GABRA5: variants seen among roughly 807,000 people sequenced by gnomAD.
GABRA5 encodes the protein gamma-aminobutyric acid receptor subunit alpha-5.
GABRA5 carries 18 observed loss-of-function variants against 47.3 expected under a neutral mutation model. The ratio of observed to expected loss-of-function variants is 0.38; its 90% CI spans 0.26 to 0.56. The LOEUF (loss-of-function observed/expected upper bound fraction) is 0.56. Among genes scored for constraint, GABRA5 ranks in the 20% least tolerant of loss-of-function variants. The pLI, the probability that GABRA5 is intolerant of heterozygous loss-of-function variation, is 0.71. For synonymous variants in GABRA5, 237 were observed against 229.3 expected, an observed-to-expected ratio of 1.03 and a Z score of -0.30; for missense variants, 365 against 599.3, an observed-to-expected ratio of 0.61 and a Z score of 4.08.
At chr15:26,899,024 A>G (rs149292006) in intron 6 of GABRA5, among the ~76,000 whole-genome samples, 3,065 of 152,156 alleles carry the variant, frequency 0.02, 104 homozygotes, top group African/African-American at 0.07. Flanking sequence ...CACCATGCCC[A>G]GCTAATTTCT....
chr15:26,936,927 G>A (rs547533610), intron 7 of GABRA5, among the ~76,000 whole-genome samples: 8 of 152,316 alleles, frequency 5.3e-5, no homozygotes, highest in African/African-American at 1.9e-4. Flanking sequence ...CTGCACCATC[G>A]TGCGCTCTGC....
rs1436313480 is a variant in GABRA5 at position 26,883,319 on chromosome 15, T to C, written c.277-18T>C. On this transcript the variant is annotated intron_variant, in intron 5 of 10. Transcript: ENST00000335625. This position sits in a 1 kb window ranked among gnomAD's most constrained non-coding sequence, Gnocchi z 4.8. ...GGCCCCGTGCCCTCTGACTGCCTCG[T>C]GCCTTCCTTTCCACTAGGAGTACAC... 1 of 1,613,658 alleles carries C rather than the reference T, an allele frequency of 6.2e-7. No individual in the cohort carries two copies. The highest frequency in any genetic ancestry group is 1.3e-5 in the African/African-American group (1 of 75,064).
chr15:26,927,375 G>A (rs557199366), intron 7 of GABRA5, among the ~76,000 whole-genome samples: 1 of 151,868 alleles, frequency 6.6e-6, no homozygotes, highest in South Asian at 2.1e-4. Flanking sequence ...GCCTCTCAAA[G>A]TGCTGGGATT....
intron 7 of GABRA5, among the ~76,000 whole-genome samples, chr15:26,928,619 T>C (rs946292667): frequency 6.6e-6 from 1 of 152,062 alleles, no homozygotes; most frequent in African/African-American, 2.4e-5. Flanking sequence ...AGCTCTCCCG[T>C]CCCTTCTGCC....
At chr15:26,934,248 T>TAAAAAAA (rs776194243) in intron 7 of GABRA5, among the ~76,000 whole-genome samples, 2 of 112,960 alleles carry the variant, frequency 1.8e-5, no homozygotes, top group African/African-American at 6.9e-5. Context: ...AGAGAATGTT[T>TAAAAAAA]AAAAAAAAAA....
intron 6 of GABRA5, among the ~76,000 whole-genome samples, chr15:26,905,952 T>G (rs1424875027): frequency 6.6e-6 from 1 of 152,154 alleles, no homozygotes; most frequent in East Asian, 1.9e-4. Context: ...TTTAACATGT[T>G]TTCTAGTAAG....
chr15:26,869,053 TGGGGAAGGACA>T lies in GABRA5; in HGVS notation c.-74-120_-74-110del. On this transcript the variant is annotated intron_variant, in intron 2 of 10. Transcript: ENST00000335625. Reference sequence around the variant, plus strand: ...GAAAATACCTGGTGTGCAGCTGTCCTGGGGAAGGACAGCGGGCTCCTTTCTTTGCAAATTGT... The same window carrying T: ...GAAAATACCTGGTGTGCAGCTGTCCTGCGGGCTCCTTTCTTTGCAAATTGT... The T allele has an allele frequency of 1.1e-5, 6 of 552,868 alleles. No individual in the cohort carries two copies. The East Asian group carries it at 1.7e-4, about 16-fold the overall frequency. The allele number at this position is 552,868 out of a possible 1,614,324, so 34.2% of individuals were successfully genotyped here.
At chr15:26,890,599 C>A (rs1000502531) in intron 6 of GABRA5, among the ~76,000 whole-genome samples, 2 of 152,094 alleles carry the variant, frequency 1.3e-5, no homozygotes, top group Non-Finnish European at 2.9e-5. Context: ...GCCACACCAT[C>A]CTTCATGTCC....
At chr15:26,911,689 A>G (rs1464086221) in intron 6 of GABRA5, among the ~76,000 whole-genome samples, 1 of 152,114 alleles carries the variant, frequency 6.6e-6, no homozygotes, top group Non-Finnish European at 1.5e-5. Context: ...GGTGCATGCA[A>G]CAGAAACGTC....
chr15:26,915,917 A>C (rs1476111517), intron 7 of GABRA5, among the ~76,000 whole-genome samples: 1 of 152,194 alleles, frequency 6.6e-6, no homozygotes, highest in Non-Finnish European at 1.5e-5. Context: ...GAGTAACACC[A>C]GTTAAAGTGT....
chr15:26,878,515 CA>C (rs938704101), intron 3 of GABRA5, among the ~76,000 whole-genome samples: 12 of 150,598 alleles, frequency 8.0e-5, no homozygotes, highest in East Asian at 2.0e-4. Context: ...AACAAACAAA[CA>C]AAAAAAAACC....
chr15:26,943,536 G>A (rs996014856), intron 10 of GABRA5, 110 bp downstream of exon 10: 33 of 962,750 alleles, frequency 3.4e-5, no homozygotes, highest in Non-Finnish European at 4.9e-5. Flanking sequence ...GCCAGCCCCC[G>A]AATGCTCCTT....
chr15:26,910,079 TC>T lies in GABRA5; in HGVS notation c.498-4723del, dbSNP rs1162837282. On this transcript the variant is annotated intron_variant, in intron 6 of 10. Coordinates refer to ENST00000335625, the MANE Select transcript of GABRA5 (RefSeq NM_000810.4). ...AGAGAATGAAATAAATGTTTTTTTT[TC>T]TTTTTTTTGACACAAGAAGACTGGA... is the stretch of plus-strand genomic sequence containing the variant. Among the ~76,000 whole-genome samples, 486 of 152,008 alleles carry T rather than the reference TC, an allele frequency of 3.2e-3. 2 individuals are homozygous for T. Among genetic ancestry groups the T allele is most frequent in the African/African-American group, 0.011 (453 of 41,428 alleles).
intron 7 of GABRA5, among the ~76,000 whole-genome samples, chr15:26,919,486 A>G (rs1279714820): frequency 6.6e-6 from 1 of 152,164 alleles, no homozygotes; most frequent in Non-Finnish European, 1.5e-5. Context: ...ATAATATCTT[A>G]ACATCAATTA....
intron 7 of GABRA5, among the ~76,000 whole-genome samples, chr15:26,925,749 TAC>T (rs1405701569): frequency 6.6e-6 from 1 of 152,226 alleles, no homozygotes; most frequent in Non-Finnish European, 1.5e-5. Flanking sequence ...GGTTATATTG[TAC>T]AGGCTCTGGA....
chr15:26,933,769 T>C (rs1342391524), intron 7 of GABRA5, among the ~76,000 whole-genome samples: 1 of 152,220 alleles, frequency 6.6e-6, no homozygotes, highest in Non-Finnish European at 1.5e-5. Flanking sequence ...GGAAAGGGTG[T>C]GGCCAAACCC....
chr15:26,888,678 C>CA lies in GABRA5; in HGVS notation c.497+5122dup, dbSNP rs537843162. The stretch of plus-strand genomic sequence containing the variant: ...GACCCCACCAGATCTGACATACATA[C>CA]ACCATTACGTAAGTTATAAAGAGCA... On this transcript the variant is annotated intron_variant, in intron 6 of 10. Coordinates refer to ENST00000335625, the MANE Select transcript of GABRA5 (RefSeq NM_000810.4). Among the ~76,000 whole-genome samples the CA allele has an allele frequency of 3.9e-5, 6 of 152,342 alleles. No homozygotes were observed. The South Asian group carries it at 1.2e-3, about 32-fold the overall frequency.
chr15:26,931,603 A>T (rs545662952), intron 7 of GABRA5, among the ~76,000 whole-genome samples: 1 of 152,344 alleles, frequency 6.6e-6, no homozygotes, highest in Admixed American at 6.5e-5. Flanking sequence ...CAGAAGCATG[A>T]ACCATGGCCT....
rs538221234 is a variant in GABRA5, at chr15:26,946,575, G to GA, written c.1090-1356dup. 9.5e-4 allele frequency among the ~76,000 whole-genome samples: 144 copies of GA among 152,204 alleles called. 2 individuals carry two copies. Among genetic ancestry groups the GA allele is most frequent in the African/African-American group, 3.2e-3 (133 of 41,534 alleles). Reference sequence around the variant, plus strand: ...TCCTTTGAAGCAAAATTTGTAGTGTGAAACGCACAAGTACTAACAGCACCT... The same window carrying GA: ...TCCTTTGAAGCAAAATTTGTAGTGTGAAAACGCACAAGTACTAACAGCACCT... On this transcript the variant is annotated intron_variant, in intron 10 of 10. Transcript: ENST00000335625.
Sources: gnomAD v4.1 joint callset for allele counts (sites outside exome capture counted in the v4.1 genomes callset) on GRCh38, gnomAD v4.1.1 for gene constraint, Gnocchi (gnomAD v3.1) non-coding constraint, MANE v1.5 for transcripts, NCBI Gene and HGNC (gene_info 2026-07-23, HGNC 2026-07-21) for gene names.